The following HCN1 variants were observed in gnomAD, a reference collection of about 807,000 sequenced individuals.
HCN1 encodes the protein hyperpolarization activated cyclic nucleotide gated potassium channel 1.
HCN1 carries 13 observed loss-of-function variants against 78.9 expected under a neutral mutation model. That is an observed-to-expected ratio of 0.16 (90% CI 0.11 to 0.26). The LOEUF is 0.26. Ranked by LOEUF, HCN1 falls within the 10% of genes least tolerant of loss-of-function variation. The pLI, the probability that HCN1 is intolerant of heterozygous loss-of-function variation, is 1.00. For synonymous variants in HCN1, 552 were observed against 455.5 expected (o/e 1.21, Z -2.70); for missense variants, 810 against 1,154.3 (o/e 0.70, Z 4.32).
chr5:45,557,869 C>T (rs975587045), intron 2 of HCN1: 7 of 151,992 alleles, frequency 4.6e-5, no homozygotes, highest in African/African-American at 9.7e-5. Context: ...TGGACCTCCC[C>T]GTTCCCTGAG....
chr5:45,430,266 C>T (rs1740434793), intron 3 of HCN1, among the ~76,000 whole-genome samples: 1 of 152,044 alleles, frequency 6.6e-6, no homozygotes, highest in Non-Finnish European at 1.5e-5. Context: ...AGTGGTAAGA[C>T]CATGTTATAG....
intron 5 of HCN1, among the ~76,000 whole-genome samples, chr5:45,352,186 C>A (rs903282554): frequency 1.3e-5 from 2 of 152,114 alleles, no homozygotes; most frequent in East Asian, 3.9e-4. Flanking sequence ...CCATGGAATA[C>A]TATGCAGCCA....
rs143224211 is a variant in HCN1, at chr5:45,262,612, C to T, written c.1982G>A (p.Arg661Lys). The T allele has an allele frequency of 1.9e-6, 3 of 1,613,640 alleles. No individual in the cohort carries two copies. In the Admixed American group the frequency reaches 5.0e-5, roughly 27 times the overall value. ...TGTGTACACCGGTGGAGATTGTGTC[C>T]TCATGCGGGAGGTCGGGGTCGTAGT... is the stretch of plus-strand genomic sequence containing the variant. ...SSTTTPTSRM[R>K]TQSPPVYTAT... The change falls in exon 8 of 8, where the codon AGG becomes AAG. Residue 661 changes from arginine to lysine, a missense_variant. This residue lies in a region of HCN1 where 398 missense variants were observed against 381.3 expected (regional missense o/e 1.04). Coordinates refer to ENST00000303230, the MANE Select transcript of HCN1 (RefSeq NM_021072.4).
chr5:45,638,217 T>G (rs901590278), intron 2 of HCN1, among the ~76,000 whole-genome samples: 1 of 152,152 alleles, frequency 6.6e-6, no homozygotes, highest in African/African-American at 2.4e-5. Context: ...AAAATGAACC[T>G]ACTGAGCTTG....
intron 6 of HCN1, 150 bp from the exon 7 acceptor site, chr5:45,267,403 A>G: frequency 1.6e-6 from 1 of 635,642 alleles, no homozygotes; most frequent in Admixed American, 2.9e-5. Context: ...TCCTTCTGAC[A>G]AAAATATCCG....
chr5:45,473,235 A>G (rs1169193735), intron 2 of HCN1, among the ~76,000 whole-genome samples: 1 of 151,938 alleles, frequency 6.6e-6, no homozygotes, highest in African/African-American at 2.4e-5. Context: ...GCTTCTATAT[A>G]TCTCGAGAGA....
chr5:45,286,383 G>A (rs1448948355), intron 6 of HCN1, among the ~76,000 whole-genome samples: 2 of 151,958 alleles, frequency 1.3e-5, no homozygotes, highest in African/African-American at 2.4e-5. Flanking sequence ...ATTGGAGATT[G>A]CTCTGTAGTA....
chr5:45,695,343 A>G (rs1580054723), intron 1 of HCN1, among the ~76,000 whole-genome samples: 3 of 152,110 alleles, frequency 2.0e-5, no homozygotes, highest in South Asian at 4.1e-4. Context: ...TCTCTGAAGT[A>G]AAAGTTTCCC....
At chr5:45,414,612 T>C (rs1740085925) in intron 3 of HCN1, among the ~76,000 whole-genome samples, 1 of 152,110 alleles carries the variant, frequency 6.6e-6, no homozygotes, top group Non-Finnish European at 1.5e-5. Context: ...GAAGAACAGC[T>C]GAACAGTATC....
chr5:45,516,068 A>C (rs1237005923), intron 2 of HCN1, among the ~76,000 whole-genome samples: 3 of 151,946 alleles, frequency 2.0e-5, no homozygotes, highest in Non-Finnish European at 4.4e-5. Flanking sequence ...CTTATTTTGC[A>C]TTTATATCCA....
intron 2 of HCN1, among the ~76,000 whole-genome samples, chr5:45,603,817 T>C (rs2111968005): frequency 6.6e-6 from 1 of 152,246 alleles, no homozygotes; most frequent in Non-Finnish European, 1.5e-5. Context: ...AATTTCCATA[T>C]TAGTTACTGT....
intron 1 of HCN1, among the ~76,000 whole-genome samples, chr5:45,670,774 A>G (rs964999217): frequency 6.6e-6 from 1 of 151,708 alleles, no homozygotes; most frequent in Non-Finnish European, 1.5e-5. Context: ...TTTTCAAAGG[A>G]CAGGGCCAAC....
chr5:45,283,422 A>G (rs894238818), intron 6 of HCN1, among the ~76,000 whole-genome samples: 1 of 152,168 alleles, frequency 6.6e-6, no homozygotes, highest in Non-Finnish European at 1.5e-5. Context: ...CAGCACCTAT[A>G]AGGAACTTAA....
intron 5 of HCN1, among the ~76,000 whole-genome samples, chr5:45,310,406 A>G (rs1745826615): frequency 1.3e-5 from 2 of 152,182 alleles, no homozygotes; most frequent in African/African-American, 4.8e-5. Context: ...CAACAAGCAT[A>G]TGATAAAGAG....
chr5:45,444,068 A>G (rs755532631), intron 3 of HCN1, among the ~76,000 whole-genome samples: 3 of 152,162 alleles, frequency 2.0e-5, no homozygotes, highest in Non-Finnish European at 4.4e-5. Context: ...TAAAAGATTA[A>G]CTGTAAAAAT....
Position 45,303,728 on chromosome 5 carries a change from G to C in HCN1, c.1489C>G (p.Gln497Glu). The C allele has an allele frequency of 6.2e-7, 1 of 1,613,644 alleles. No homozygotes were observed. Residue 497 changes from glutamine to glutamate, a missense_variant, in exon 6 of 8, where the codon CAA becomes GAA. By Grantham distance (29) the Gln-to-Glu change is conservative. This residue lies in a region of HCN1 where 100 missense variants were observed against 126.8 expected (regional missense o/e 0.79). Coordinates refer to ENST00000303230, the MANE Select transcript of HCN1 (RefSeq NM_021072.4). ...TCTCGTATGATATAATCTCCAGGTT[G>C]AAACACCTCAAATCTCAACTTGCTC... ...MLSKLRFEVF[Q>E]PGDYIIREGA...
chr5:45,424,119 C>CAA (rs35117761), intron 3 of HCN1, among the ~76,000 whole-genome samples: 1,700 of 67,914 alleles, frequency 0.025, 33 homozygotes, highest in African/African-American at 0.03. Context: ...ACTAAAAATC[C>CAA]AAAAAAAAAA....
intron 1 of HCN1, among the ~76,000 whole-genome samples, chr5:45,690,576 AT>A (rs896088985): frequency 7.3e-5 from 11 of 151,650 alleles, no homozygotes; most frequent in East Asian, 1.9e-4. Flanking sequence ...AGGAATCCTG[AT>A]TTTTTTTTCC....
At chr5:45,621,038 AACTT>A (rs887379789) in intron 2 of HCN1, among the ~76,000 whole-genome samples, 4 of 152,172 alleles carry the variant, frequency 2.6e-5, no homozygotes, top group African/African-American at 9.7e-5. Context: ...GTCACAGAGA[AACTT>A]AATGTCAGAA....
Sources: gnomAD v4.1 joint callset for allele counts (sites outside exome capture counted in the v4.1 genomes callset) on GRCh38, gnomAD v4.1.1 for gene constraint, gnomAD v4.1.1 regional missense constraint, MANE v1.5 for transcripts, NCBI Gene and HGNC (gene_info 2026-07-23, HGNC 2026-07-21) for gene names.